Variants in CHN1 observed in about 807,000 individuals in gnomAD.
CHN1 encodes the protein N-chimaerin.
Under a neutral mutation model 59.5 loss-of-function variants are expected in CHN1, and 37 were observed. That is an observed-to-expected ratio of 0.62 (90% CI 0.48 to 0.82). The LOEUF is 0.82. CHN1 is among the 40% of genes least tolerant of loss of function. The probability of loss-of-function intolerance (pLI) is 0.00; values close to 1 mark genes in which losing one functional copy is unlikely to be tolerated. For synonymous variants in CHN1, 206 were observed against 200.4 expected (o/e 1.03, Z -0.24); for missense variants, 469 against 571.0 (o/e 0.82, Z 1.82).
chr2:174,944,085 T>C (rs1463802100), intron 3 of CHN1, among the ~76,000 whole-genome samples: 1 of 152,244 alleles, frequency 6.6e-6, no homozygotes, highest in Non-Finnish European at 1.5e-5. Context: ...TTTAGTATTC[T>C]ATTCTATTCA....
At chr2:174,856,020 T>C (rs1686889622) in intron 6 of CHN1, among the ~76,000 whole-genome samples, 1 of 152,076 alleles carries the variant, frequency 6.6e-6, no homozygotes, top group Non-Finnish European at 1.5e-5. Context: ...TCTGGAGCAT[T>C]TATATTCCAG....
At chr2:174,880,936 C>T (rs1189704704) in intron 5 of CHN1, among the ~76,000 whole-genome samples, 4 of 151,772 alleles carry the variant, frequency 2.6e-5, no homozygotes, top group Admixed American at 2.0e-4. Flanking sequence ...ATCCTAGCTA[C>T]TCCGGAGGCT....
chr2:174,981,726 T>C (rs187061317), intron 1 of CHN1, among the ~76,000 whole-genome samples: 19 of 152,358 alleles, frequency 1.2e-4, no homozygotes, highest in African/African-American at 3.8e-4. Context: ...TAAATATTTT[T>C]TTCCTGATGA....
chr2:174,983,620 G>T (rs1162763245), intron 1 of CHN1, among the ~76,000 whole-genome samples: 1 of 151,930 alleles, frequency 6.6e-6, no homozygotes, highest in Non-Finnish European at 1.5e-5. Flanking sequence ...ATAAGGTCAG[G>T]AGTTTGAGAC....
intron 6 of CHN1, among the ~76,000 whole-genome samples, chr2:174,866,987 A>C (rs542291599): frequency 7.2e-5 from 11 of 152,222 alleles, no homozygotes; most frequent in Admixed American, 5.2e-4. Flanking sequence ...AACAAATGAA[A>C]AAGCCATTTT....
At position 174,972,632 on chromosome 2, in the gene CHN1, T is replaced by A. The variant is rs139103470; in HGVS notation, c.20-20430A>T. ...CTATGCAGCATTCAGACAATGGAAG[T>A]TGGAGCAAAGAAAGTAAAGTGAGAT... On this transcript the variant is annotated intron_variant, in intron 1 of 12. Coordinates refer to ENST00000409900, the MANE Select transcript of CHN1 (RefSeq NM_001822.7). Among the ~76,000 whole-genome samples the A allele has an allele frequency of 6.4e-3, 976 of 152,196 alleles. 16 individuals are homozygous for A. The highest frequency in any genetic ancestry group is 0.022 in the African/African-American group (928 of 41,520).
intron 1 of CHN1, among the ~76,000 whole-genome samples, chr2:174,961,736 T>A (rs1690417753): frequency 6.6e-6 from 1 of 152,180 alleles, no homozygotes; most frequent in Non-Finnish European, 1.5e-5. Flanking sequence ...CTTTAATGTC[T>A]AGCCTAATAC....
chr2:174,952,240 T>G, intron 1 of CHN1, 38 bp from the exon 2 acceptor site: 1 of 1,135,894 alleles, frequency 8.8e-7, no homozygotes, highest in East Asian at 3.0e-5. Context: ...TACTGAATAT[T>G]TAAATTTTAA....
At chr2:174,895,318 G>T (rs1484510322) in intron 5 of CHN1, among the ~76,000 whole-genome samples, 1 of 151,736 alleles carries the variant, frequency 6.6e-6, no homozygotes, top group Non-Finnish European at 1.5e-5. Context: ...AGGACATTAT[G>T]TTAAGCAAAA....
chr2:174,837,436 G>A (rs1190497291), intron 7 of CHN1: 2 of 152,172 alleles, frequency 1.3e-5, no homozygotes, highest in Non-Finnish European at 2.9e-5. Flanking sequence ...AAGACTGGAG[G>A]ATATCACCTA....
intron 7 of CHN1, among the ~76,000 whole-genome samples, chr2:174,826,575 T>C (rs939569826): frequency 1.3e-5 from 2 of 152,202 alleles, no homozygotes; most frequent in East Asian, 1.9e-4. Flanking sequence ...AGTTATCTCA[T>C]GGTAAAGCAT....
At chr2:175,001,933 C>G (rs1284520940) in intron 1 of CHN1, among the ~76,000 whole-genome samples, 3 of 152,222 alleles carry the variant, frequency 2.0e-5, no homozygotes, top group Non-Finnish European at 2.9e-5. Flanking sequence ...TACTAGAAAA[C>G]ATGTGCTCTC....
intron 3 of CHN1, among the ~76,000 whole-genome samples, chr2:174,943,698 T>A (rs1336463049): frequency 6.6e-6 from 1 of 152,160 alleles, no homozygotes; most frequent in African/African-American, 2.4e-5. Context: ...ATTATGATAA[T>A]AATTATGTAA....
At chr2:174,810,086 G>A (rs958942399) in intron 10 of CHN1, among the ~76,000 whole-genome samples, 1 of 152,256 alleles carries the variant, frequency 6.6e-6, no homozygotes, top group African/African-American at 2.4e-5. Context: ...ATTACTTGAG[G>A]TTTATGCCTC....
chr2:174,872,518 C>T (rs775438239), intron 6 of CHN1, among the ~76,000 whole-genome samples: 3 of 152,138 alleles, frequency 2.0e-5, no homozygotes, highest in Non-Finnish European at 2.9e-5. Flanking sequence ...AAATACTGTT[C>T]GATACTAAAA....
chr2:174,895,129 T>C lies in CHN1; in HGVS notation c.261-17001A>G, dbSNP rs539665431. Among the ~76,000 whole-genome samples, 100 of 148,726 alleles carry C rather than the reference T, an allele frequency of 6.7e-4. 1 individual carries two copies. Among genetic ancestry groups the C allele is most frequent in the Middle Eastern group, 7.1e-3 (2 of 280 alleles). ...CCACTGGGGTCTTGAATGTATACAC[T>C]GCAGATAAGAGAGGACTACTGTGTA... is the stretch of plus-strand genomic sequence containing the variant. On this transcript the variant is annotated intron_variant, in intron 5 of 12. Coordinates refer to ENST00000409900, the MANE Select transcript of CHN1 (RefSeq NM_001822.7).
rs916118664 is a variant in CHN1, at chr2:174,799,540, C to A, written c.*576G>T. ...GTATGGATAACCTTTATTAAAGTAA[C>A]AAATCTGAAAACACATTTTGCTTTT... On this transcript the variant is annotated 3_prime_UTR_variant, in exon 13 of 13. Coordinates refer to ENST00000409900, the MANE Select transcript of CHN1 (RefSeq NM_001822.7). 1.9e-6 allele frequency: 1 copy of A among 521,210 alleles called. No homozygotes were observed. Among genetic ancestry groups the A allele is most frequent in the South Asian group, 1.5e-5 (1 of 65,044 alleles). The allele number at this position is 521,210 out of a possible 1,614,324, so 32.3% of individuals were successfully genotyped here.
chr2:175,005,206 C>G lies in CHN1; in HGVS notation c.-294G>C, dbSNP rs1692027851. 3 of 1,224,488 alleles carry G rather than the reference C, an allele frequency of 2.4e-6. No individual in the cohort carries two copies. Among genetic ancestry groups the G allele is most frequent in the African/African-American group, 3.2e-5 (2 of 62,424 alleles). The allele number at this position is 1,224,488 out of a possible 1,614,324, so 75.9% of individuals were successfully genotyped here. On this transcript the variant is annotated 5_prime_UTR_variant, in exon 1 of 13. Coordinates refer to ENST00000409900, the MANE Select transcript of CHN1 (RefSeq NM_001822.7). ...GGAGCGTGCGCGCGGGAGGAGGTAC[C>G]TGCGAGGCAGGAGGCTTGGCCGCGG...
chr2:174,917,342 G>A (rs919933840), intron 4 of CHN1, among the ~76,000 whole-genome samples: 3 of 151,998 alleles, frequency 2.0e-5, no homozygotes, highest in Non-Finnish European at 1.5e-5. Flanking sequence ...GCTGAGGCAG[G>A]AGAATCGCTT....
Sources: allele counts gnomAD v4.1 joint callset (sites outside exome capture counted in the v4.1 genomes callset), GRCh38; gene constraint gnomAD v4.1.1; transcripts MANE v1.5; gene names NCBI Gene and HGNC (gene_info 2026-07-23, HGNC 2026-07-21).